Variants in NCR1 observed in about 807,000 individuals in gnomAD.
The protein encoded by NCR1 is natural cytotoxicity triggering receptor 1.
A neutral mutation model predicts 32.5 loss-of-function variants in NCR1; 30 were observed. The ratio of observed to expected loss-of-function variants is 0.92; its 90% CI spans 0.69 to 1.25. The LOEUF (loss-of-function observed/expected upper bound fraction) is 1.25, where lower values mean the gene tolerates loss of function less well. NCR1 is among the 50% of genes most tolerant of loss of function. The pLI, the probability that NCR1 is intolerant of heterozygous loss-of-function variation, is 0.00. For missense variants in NCR1, 369 were observed against 380.7 expected (o/e 0.97, Z 0.26); for synonymous variants, 169 against 143.4 (o/e 1.18, Z -1.28).
upstream of NCR1, among the ~76,000 whole-genome samples, chr19:54,904,695 G>T (rs1395832451): frequency 6.6e-6 from 1 of 151,914 alleles, no homozygotes; most frequent in East Asian, 1.9e-4. Flanking sequence ...ACCACACCCG[G>T]CTAATTTTGA....
chr19:54,932,340 A>T, the NCR1 span, among the ~76,000 whole-genome samples: 1 of 151,922 alleles, frequency 6.6e-6, no homozygotes. Flanking sequence ...AGGCAGGAGA[A>T]TCGCTTGAAC....
chr19:54,922,897 C>G, the NCR1 span, among the ~76,000 whole-genome samples: 1 of 150,654 alleles, frequency 6.6e-6, no homozygotes, highest in Non-Finnish European at 1.5e-5. Context: ...GAGACACACA[C>G]ACAGAAACAG....
downstream of NCR1, among the ~76,000 whole-genome samples, chr19:54,914,130 C>A (rs576203014): frequency 2.3e-3 from 337 of 148,788 alleles, 4 homozygotes; most frequent in Non-Finnish European, 3.9e-3. Context: ...TACCCCAATT[C>A]CTTCTAACCA....
chr19:54,929,392 T>C, the NCR1 span, among the ~76,000 whole-genome samples: 24 of 113,914 alleles, frequency 2.1e-4, no homozygotes, highest in African/African-American at 7.3e-4. Context: ...CCCTGTGTTC[T>C]AGTGTTTTTT....
chr19:54,938,029 T>A, the NCR1 span: 1 of 1,603,996 alleles, frequency 6.2e-7, no homozygotes, highest in Non-Finnish European at 8.5e-7. Context: ...CCTTGCAAGA[T>A]GAGCTTCTAC....
chr19:54,927,558 A>G, the NCR1 span: 2 of 1,551,008 alleles, frequency 1.3e-6, no homozygotes, highest in Non-Finnish European at 1.7e-6. Flanking sequence ...TCCATCTCAA[A>G]AAAACAAAAA....
the NCR1 span, among the ~76,000 whole-genome samples, chr19:54,931,589 G>C: frequency 6.6e-6 from 1 of 152,228 alleles, no homozygotes; most frequent in South Asian, 2.1e-4. Context: ...TCAGGAGGCT[G>C]AGGCAGGAGA....
the NCR1 span, among the ~76,000 whole-genome samples, chr19:54,934,162 C>T: frequency 1.3e-4 from 20 of 152,238 alleles, no homozygotes; most frequent in South Asian, 4.2e-4. The surrounding 1 kb of genome is among the most constrained non-coding windows in gnomAD (Gnocchi z 6.7). Context: ...AGGATGGTCT[C>T]GATCTCTTGA....
chr19:54,903,342 A>G (rs587742769), upstream of NCR1, among the ~76,000 whole-genome samples: 33 of 138,260 alleles, frequency 2.4e-4, 2 homozygotes, highest in African/African-American at 9.1e-4. Flanking sequence ...GTATGTATAT[A>G]CATATATGCA....
chr19:54,898,959 C>T, the NCR1 span, among the ~76,000 whole-genome samples: 11,777 of 151,890 alleles, frequency 0.078, 645 homozygotes, highest in South Asian at 0.17. Flanking sequence ...AATTGGGACC[C>T]AGCTCGGCCT....
At chr19:54,927,831 C>T in the NCR1 span, 11 of 1,488,102 alleles carry the variant, frequency 7.4e-6, no homozygotes, top group East Asian at 6.8e-5. Flanking sequence ...GTGGCTCAAG[C>T]GTGTAATCCC....
chr19:54,906,468 C>T (rs1749651490), intron 2 of NCR1, 55 bp from the exon 3 acceptor site: 8 of 1,599,742 alleles, frequency 5.0e-6, no homozygotes, highest in Non-Finnish European at 6.8e-6. Flanking sequence ...TGGGTGGAGC[C>T]TAAGGTTGGG....
chr19:54,903,278 GTATATACATA>G (rs2067334190), upstream of NCR1, among the ~76,000 whole-genome samples: 1 of 142,786 alleles, frequency 7.0e-6, no homozygotes, highest in Admixed American at 7.3e-5. Flanking sequence ...ATATATATAT[GTATATACATA>G]TATACACATA....
downstream of NCR1, among the ~76,000 whole-genome samples, chr19:54,917,527 G>A (rs1253431742): frequency 6.6e-6 from 1 of 151,930 alleles, no homozygotes; most frequent in South Asian, 2.1e-4. Flanking sequence ...TACCATGTTA[G>A]CCAGGTTGGT....
downstream of NCR1, among the ~76,000 whole-genome samples, chr19:54,917,240 G>A (rs937875930): frequency 7.9e-5 from 12 of 151,290 alleles, no homozygotes; most frequent in Admixed American, 3.3e-4. Flanking sequence ...GTTCAAACCC[G>A]GGAGGCAGAG....
chr19:54,933,803 T>G, the NCR1 span: 1 of 1,395,564 alleles, frequency 7.2e-7, no homozygotes, highest in Non-Finnish European at 1.0e-6. Flanking sequence ...ACCTGCTCAG[T>G]GATGTCCACA....
At chr19:54,923,099 G>C in the NCR1 span, among the ~76,000 whole-genome samples, 2 of 152,172 alleles carry the variant, frequency 1.3e-5, no homozygotes, top group African/African-American at 4.8e-5. Flanking sequence ...TGTGCTTTGT[G>C]AGTAACAGGA....
intron 3 of NCR1, among the ~76,000 whole-genome samples, chr19:54,908,065 A>G (rs1425718590): frequency 6.6e-6 from 1 of 151,868 alleles, no homozygotes; most frequent in East Asian, 1.9e-4. Flanking sequence ...ATAGGACAAT[A>G]GTGGAGAGAA....
chr19:54,912,974 C>G lies in NCR1; in HGVS notation c.*103C>G. On this transcript the variant is annotated 3_prime_UTR_variant, in exon 7 of 7. Coordinates refer to ENST00000291890, the MANE Select transcript of NCR1 (RefSeq NM_004829.7). ...GGACCCACGGAGGAGGGAGTCACTG[C>G]AGGGAAAGAGGGACACTGGCATTCC... 8.8e-7 allele frequency: 1 copy of G among 1,138,142 alleles called. No homozygotes were observed. Among genetic ancestry groups the G allele is most frequent in the Non-Finnish European group, 1.2e-6 (1 of 808,396 alleles). The allele number at this position is 1,138,142 out of a possible 1,614,324, so 70.5% of individuals were successfully genotyped here.
Sources: gnomAD v4.1 joint callset for allele counts (sites outside exome capture counted in the v4.1 genomes callset) on GRCh38, gnomAD v4.1.1 for gene constraint, Gnocchi (gnomAD v3.1) non-coding constraint, MANE v1.5 for transcripts, NCBI Gene and HGNC (gene_info 2026-07-23, HGNC 2026-07-21) for gene names.